Variants in MTREX observed in about 807,000 individuals in gnomAD.
MTREX encodes Mtr4 exosome RNA helicase.
A neutral mutation model predicts 135.4 loss-of-function variants in MTREX; 76 were observed. The ratio of observed to expected loss-of-function variants is 0.56; its 90% CI spans 0.47 to 0.68. The LOEUF (loss-of-function observed/expected upper bound fraction) is 0.68, where lower values mean the gene tolerates loss of function less well. Among genes scored for constraint, MTREX ranks in the 30% least tolerant of loss-of-function variants. The pLI, the probability that MTREX is intolerant of heterozygous loss-of-function variation, is 0.00. For missense variants in MTREX, 920 were observed against 1,262.1 expected, an observed-to-expected ratio of 0.73 and a Z score of 4.11; for synonymous variants, 404 against 401.6, an observed-to-expected ratio of 1.01 and a Z score of -0.07.
At chr5:55,421,339 T>G (rs1399317029) in intron 25 of MTREX, among the ~76,000 whole-genome samples, 2 of 152,330 alleles carry the variant, frequency 1.3e-5, no homozygotes, top group African/African-American at 4.8e-5. Flanking sequence ...ACAGTTAGTG[T>G]TTGTGCACAT....
chr5:55,331,551 T>C (rs1749475480), intron 5 of MTREX, among the ~76,000 whole-genome samples: 1 of 152,208 alleles, frequency 6.6e-6, no homozygotes, highest in South Asian at 2.1e-4. Flanking sequence ...TTATCTCTTC[T>C]CCTCTTGGTT....
chr5:55,401,609 C>T (rs230789), intron 21 of MTREX, among the ~76,000 whole-genome samples: 130,865 of 152,156 alleles, frequency 0.86, 56,660 homozygotes, highest in South Asian at 0.92. Flanking sequence ...TTCTCACTAG[C>T]AATTTGCAAG....
rs570440309 is a variant in MTREX, at chr5:55,411,881, A to G, written c.2751+1252A>G. Among the ~76,000 whole-genome samples, 5 of 152,322 alleles carry G rather than the reference A, an allele frequency of 3.3e-5. No individual in the cohort carries two copies. The South Asian group carries it at 1.0e-3, about 32-fold the overall frequency. On this transcript the variant is annotated intron_variant, in intron 23 of 26. Transcript: ENST00000230640. ...GGTTCAGAGATGTAGGTTTGTAAAT[A>G]GTTTGGGGATAAGTGGTCTTCCACC...
At chr5:55,380,408 T>A (rs1750377414) in intron 18 of MTREX, among the ~76,000 whole-genome samples, 1 of 152,216 alleles carries the variant, frequency 6.6e-6, no homozygotes, top group Non-Finnish European at 1.5e-5. Flanking sequence ...GTCATTCACC[T>A]GTCCTTCCAT....
intron 14 of MTREX, chr5:55,357,337 AG>A (rs1275428325): frequency 1.3e-5 from 2 of 152,534 alleles, no homozygotes; most frequent in African/African-American, 4.8e-5. Context: ...TGTGATCACA[AG>A]GGAGGCTCTT....
At chr5:55,418,043 G>A (rs1157066088) in intron 25 of MTREX, among the ~76,000 whole-genome samples, 11 of 151,500 alleles carry the variant, frequency 7.3e-5, no homozygotes, top group Admixed American at 7.2e-4. Flanking sequence ...GACCATCCTG[G>A]CTAACACGGT....
rs1237098362 is a variant in MTREX at position 55,327,843 on chromosome 5, T to A, written c.402+65T>A. ...GACTCTCTTTTTCTTAAAATTCTTATTTCAAATGAGATTTTTATATTTCCC... is the reference window on the plus strand; with the variant it reads ...GACTCTCTTTTTCTTAAAATTCTTAATTCAAATGAGATTTTTATATTTCCC... On this transcript the variant is annotated intron_variant, in intron 4 of 26. Coordinates refer to ENST00000230640, the MANE Select transcript of MTREX (RefSeq NM_015360.5). 5.0e-6 allele frequency: 6 copies of A among 1,206,042 alleles called. No individual in the cohort carries two copies. The East Asian group carries it at 1.4e-4, about 28-fold the overall frequency. The allele number at this position is 1,206,042 out of a possible 1,614,324, so 74.7% of individuals were successfully genotyped here.
chr5:55,314,724 G>A (rs1055885449), intron 1 of MTREX, among the ~76,000 whole-genome samples: 6 of 152,064 alleles, frequency 3.9e-5, no homozygotes, highest in East Asian at 1.9e-4. Context: ...GCCAACCATC[G>A]CCAACCTTTT....
intron 15 of MTREX, among the ~76,000 whole-genome samples, chr5:55,360,322 A>G (rs2091270919): frequency 6.6e-6 from 1 of 151,906 alleles, no homozygotes; most frequent in Non-Finnish European, 1.5e-5. Flanking sequence ...TTGTATGGGT[A>G]TGCCAAACTT....
chr5:55,332,429 A>G (rs1749493181), intron 5 of MTREX, among the ~76,000 whole-genome samples: 5 of 152,234 alleles, frequency 3.3e-5, no homozygotes. Context: ...GGCACCAGTC[A>G]TCCTGTTCAT....
At position 55,327,686 on chromosome 5, in the gene MTREX, GT is replaced by G. The variant is rs548331068; in HGVS notation, c.340-21del. The G allele has an allele frequency of 6.1e-4, 938 of 1,527,888 alleles. 8 individuals are homozygous for G. The African/African-American group carries it at 0.011, about 18-fold the overall frequency. The allele number at this position is 1,527,888 out of a possible 1,614,324, so 94.6% of individuals were successfully genotyped here. Reference sequence around the variant, plus strand: ...CATCAGTTCTCAAATAGTTGGTGAGGTTTTTTTTTCTTTTTTACTTTGTTGT... The same window carrying G: ...CATCAGTTCTCAAATAGTTGGTGAGGTTTTTTTTCTTTTTTACTTTGTTGT... On this transcript the variant is annotated intron_variant, in intron 3 of 26. Coordinates refer to ENST00000230640, the MANE Select transcript of MTREX (RefSeq NM_015360.5).
chr5:55,410,632 A>G lies in MTREX; in HGVS notation c.2751+3A>G, dbSNP rs1304663437. The G allele has an allele frequency of 2.6e-6, 4 of 1,566,816 alleles. No homozygotes were observed. Among genetic ancestry groups the G allele is most frequent in the Non-Finnish European group, 3.5e-6 (4 of 1,140,954 alleles). On this transcript the variant is annotated splice_donor_region_variant and intron_variant, in intron 23 of 26. Coordinates refer to ENST00000230640, the MANE Select transcript of MTREX (RefSeq NM_015360.5). ...GCTGCTTTGTGTTTCAAGAGAATGTAAGTTAATTGATTCAGCACATCTTAT... is the reference window on the plus strand; with the variant it reads ...GCTGCTTTGTGTTTCAAGAGAATGTGAGTTAATTGATTCAGCACATCTTAT...
At chr5:55,340,844 G>A (rs1288976450) in intron 6 of MTREX, among the ~76,000 whole-genome samples, 1 of 152,096 alleles carries the variant, frequency 6.6e-6, no homozygotes, top group Non-Finnish European at 1.5e-5. Flanking sequence ...GCCTCCCAAA[G>A]TGCTGGGATT....
intron 24 of MTREX, 104 bp downstream of exon 24, chr5:55,414,342 A>C (rs1256096807): frequency 1.1e-6 from 1 of 919,126 alleles, no homozygotes; most frequent in Non-Finnish European, 1.6e-6. Context: ...CATTTCACAG[A>C]GATAACCTAT....
At chr5:55,308,217 T>C (rs1749002029) in intron 1 of MTREX, 70 bp downstream of exon 1, 16 of 1,494,742 alleles carry the variant, frequency 1.1e-5, no homozygotes, top group African/African-American at 2.8e-5. Flanking sequence ...ACTACTCTCT[T>C]AGGAAGAGCA....
At chr5:55,380,842 C>T (rs1750385112) in intron 18 of MTREX, among the ~76,000 whole-genome samples, 1 of 151,946 alleles carries the variant, frequency 6.6e-6, no homozygotes, top group African/African-American at 2.4e-5. Flanking sequence ...AAGTGTTCCC[C>T]TTTTCTTCCA....
rs773506383 is a variant in MTREX at position 55,327,758 on chromosome 5, C to T, written c.382C>T (p.Arg128Ter). The T allele has an allele frequency of 2.5e-6, 4 of 1,613,024 alleles. No individual in the cohort carries two copies. The highest frequency in any genetic ancestry group is 1.7e-5 in the Admixed American group (1 of 59,990). Residue 128 changes from arginine to a stop codon, truncating the protein, a stop_gained, in exon 4 of 27, where the codon CGA (arginine) becomes TGA (stop). Coordinates refer to ENST00000230640, the MANE Select transcript of MTREX (RefSeq NM_015360.5). LOFTEE classifies it high-confidence loss of function. The part of the protein sequence containing the change: ...AEEDYLPLKP[R>*]VGKAAKEYPF... ...AGAGGATTATTTACCACTTAAACCA[C>T]GAGTTGGAAAAGCTGCTAAGGTCTG...
chr5:55,344,411 T>C (rs926125443), intron 8 of MTREX, 111 bp from the exon 9 acceptor site: 17 of 705,660 alleles, frequency 2.4e-5, no homozygotes, highest in Non-Finnish European at 3.8e-5. Context: ...GTTTTCTTTT[T>C]GAAATGTTGA....
intron 1 of MTREX, among the ~76,000 whole-genome samples, chr5:55,308,567 A>G (rs1384745118): frequency 6.6e-6 from 1 of 152,154 alleles, no homozygotes; most frequent in East Asian, 1.9e-4. Flanking sequence ...AGAGACATTT[A>G]ATCTCCAAGA....
Sources: allele counts gnomAD v4.1 joint callset (sites outside exome capture counted in the v4.1 genomes callset), GRCh38; gene constraint gnomAD v4.1.1; transcripts MANE v1.5; gene names NCBI Gene and HGNC (gene_info 2026-07-23, HGNC 2026-07-21).